The following FBXL7 variants were observed in gnomAD, a reference collection of about 807,000 sequenced individuals.
The protein encoded by FBXL7 is F-box/LRR-repeat protein 7.
A neutral mutation model predicts 38.3 loss-of-function variants in FBXL7; 12 were observed. The observed-to-expected ratio is 0.31, with a 90% CI of 0.20 to 0.51. FBXL7 has a LOEUF of 0.51. Ranked by LOEUF, FBXL7 falls within the 20% of genes least tolerant of loss-of-function variation. The pLI, the probability that FBXL7 is intolerant of heterozygous loss-of-function variation, is 0.98. For synonymous variants in FBXL7, 297 were observed against 300.9 expected (o/e 0.99, Z 0.13); for missense variants, 567 against 676.4 (o/e 0.84, Z 1.79).
chr5:15,739,603 A>T (rs1280616079), intron 2 of FBXL7, among the ~76,000 whole-genome samples: 2 of 152,062 alleles, frequency 1.3e-5, no homozygotes, highest in African/African-American at 4.8e-5. Flanking sequence ...GTCTCTGTAG[A>T]TTTGCCTATT....
intron 2 of FBXL7, among the ~76,000 whole-genome samples, chr5:15,875,632 G>T (rs980759724): frequency 6.6e-6 from 1 of 151,906 alleles, no homozygotes. Flanking sequence ...ACATTTATAC[G>T]GCCAGCAAAC....
chr5:15,804,448 A>G (rs1737652874), intron 2 of FBXL7, among the ~76,000 whole-genome samples: 1 of 152,212 alleles, frequency 6.6e-6, no homozygotes, highest in African/African-American at 2.4e-5. Flanking sequence ...CAGTCTGGAC[A>G]ACAAAATGAG....
intron 2 of FBXL7, among the ~76,000 whole-genome samples, chr5:15,873,298 C>G (rs1324672420): frequency 6.6e-6 from 1 of 152,108 alleles, no homozygotes; most frequent in African/African-American, 2.4e-5. Flanking sequence ...TAAATGCCCC[C>G]AGGAGAAAGC....
intron 2 of FBXL7, among the ~76,000 whole-genome samples, chr5:15,880,721 T>TTTTATA (rs1554030839): frequency 9.1e-5 from 13 of 143,372 alleles, no homozygotes; most frequent in African/African-American, 3.3e-4. Flanking sequence ...ATATACTATA[T>TTTTATA]TATATATATA....
At chr5:15,665,727 C>G (rs770466269) in intron 2 of FBXL7, among the ~76,000 whole-genome samples, 1 of 152,106 alleles carries the variant, frequency 6.6e-6, no homozygotes, top group East Asian at 1.9e-4. Context: ...AGTGTGAATT[C>G]AACTTTTACT....
chr5:15,803,633 A>G (rs1455273177), intron 2 of FBXL7, among the ~76,000 whole-genome samples: 1 of 148,290 alleles, frequency 6.7e-6, no homozygotes, highest in East Asian at 2.0e-4. Context: ...AATGTGTCAC[A>G]TTTCATGCAA....
chr5:15,589,853 T>G (rs562428235), intron 1 of FBXL7, among the ~76,000 whole-genome samples: 23 of 152,280 alleles, frequency 1.5e-4, no homozygotes, highest in Non-Finnish European at 2.8e-4. Flanking sequence ...CAAATGAGAT[T>G]CAGGCAGTGG....
chr5:15,548,239 A>G (rs1737971897), intron 1 of FBXL7, among the ~76,000 whole-genome samples: 1 of 152,154 alleles, frequency 6.6e-6, no homozygotes, highest in South Asian at 2.1e-4. Context: ...GAAGGGTGAA[A>G]CCAAGAACAT....
chr5:15,829,308 TTTG>T (rs1167298307), intron 2 of FBXL7, among the ~76,000 whole-genome samples: 1 of 152,184 alleles, frequency 6.6e-6, no homozygotes, highest in Non-Finnish European at 1.5e-5. Context: ...TTTGTTTTTA[TTTG>T]TTGTTTGTTT....
At chr5:15,687,925 C>T (rs1362880366) in intron 2 of FBXL7, among the ~76,000 whole-genome samples, 1 of 152,154 alleles carries the variant, frequency 6.6e-6, no homozygotes, top group Non-Finnish European at 1.5e-5. Context: ...TGTTCACTAT[C>T]TCAGTCACAT....
chr5:15,776,742 G>A (rs559168666), intron 2 of FBXL7, among the ~76,000 whole-genome samples: 12 of 152,162 alleles, frequency 7.9e-5, no homozygotes, highest in Middle Eastern at 3.4e-3. Flanking sequence ...AAGTGGGCTA[G>A]CTTTTTTCAG....
At chr5:15,831,243 A>G (rs970287308) in intron 2 of FBXL7, among the ~76,000 whole-genome samples, 3 of 152,136 alleles carry the variant, frequency 2.0e-5, no homozygotes, top group African/African-American at 7.2e-5. Context: ...ATCTGAGAAG[A>G]GGTGGGAAAG....
At chr5:15,731,267 T>G (rs1735575839) in intron 2 of FBXL7, among the ~76,000 whole-genome samples, 1 of 152,164 alleles carries the variant, frequency 6.6e-6, no homozygotes, top group South Asian at 2.1e-4. Flanking sequence ...AATGGAGAAC[T>G]CACAGTTCCA....
intron 1 of FBXL7, among the ~76,000 whole-genome samples, chr5:15,545,522 G>GT (rs950244046): frequency 7.4e-5 from 11 of 148,814 alleles, no homozygotes; most frequent in African/African-American, 2.9e-4. Context: ...GAATGTCACT[G>GT]TGTCTTTACT....
At chr5:15,813,028 G>T (rs1327583695) in intron 2 of FBXL7, among the ~76,000 whole-genome samples, 2 of 152,086 alleles carry the variant, frequency 1.3e-5, no homozygotes, top group African/African-American at 2.4e-5. Flanking sequence ...AGGAGATTTT[G>T]GGCTGAGATG....
At chr5:15,871,540 A>G (rs1739964487) in intron 2 of FBXL7, among the ~76,000 whole-genome samples, 1 of 152,198 alleles carries the variant, frequency 6.6e-6, no homozygotes, top group Non-Finnish European at 1.5e-5. Context: ...AATGCAAGGA[A>G]GCTAAGAACC....
chr5:15,838,222 G>A (rs1738641922), intron 2 of FBXL7, among the ~76,000 whole-genome samples: 1 of 152,158 alleles, frequency 6.6e-6, no homozygotes, highest in East Asian at 1.9e-4. Context: ...TAAGCCACAA[G>A]ATGGCTGGCT....
At chr5:15,521,553 T>G (rs1458456116) in intron 1 of FBXL7, among the ~76,000 whole-genome samples, 1 of 152,194 alleles carries the variant, frequency 6.6e-6, no homozygotes, top group Non-Finnish European at 1.5e-5. Context: ...GCATTGTGTA[T>G]TTGGGCGGTG....
chr5:15,504,259 A>G (rs1168288991), intron 1 of FBXL7, among the ~76,000 whole-genome samples: 2 of 152,202 alleles, frequency 1.3e-5, no homozygotes, highest in African/African-American at 4.8e-5. Flanking sequence ...GTAGTCATTC[A>G]TTTCATTTTT....
Sources: allele counts gnomAD v4.1 joint callset (sites outside exome capture counted in the v4.1 genomes callset), GRCh38; gene constraint gnomAD v4.1.1; transcripts MANE v1.5; gene names NCBI Gene and HGNC (gene_info 2026-07-23, HGNC 2026-07-21).